KCNMA1: variants seen among roughly 807,000 people sequenced by gnomAD.
KCNMA1 encodes the protein Calcium-activated potassium channel subunit alpha-1.
A neutral mutation model predicts 140.0 loss-of-function variants in KCNMA1; 29 were observed. That is an observed-to-expected ratio of 0.21 (90% CI 0.15 to 0.28). The LOEUF is 0.28. KCNMA1 is among the 10% of genes least tolerant of loss of function. The pLI, the probability that KCNMA1 is intolerant of heterozygous loss-of-function variation, is 1.00. For synonymous variants in KCNMA1, 612 were observed against 611.9 expected (o/e 1.00, Z 0.00); for missense variants, 880 against 1,602.2 (o/e 0.55, Z 7.70).
intron 1 of KCNMA1, among the ~76,000 whole-genome samples, chr10:77,480,161 C>G (rs2098361390): frequency 6.6e-6 from 1 of 152,218 alleles, no homozygotes. Flanking sequence ...GTTTGTCCCC[C>G]ACACCCCTAA....
chr10:76,889,601 T>A, intron 26 of KCNMA1, 32 bp from the exon 27 acceptor site: 1 of 1,501,070 alleles, frequency 6.7e-7, no homozygotes, highest in South Asian at 1.1e-5. Flanking sequence ...GAGAGAAACA[T>A]CCTTTTTATT....
At chr10:77,504,034 C>T (rs992070137) in intron 1 of KCNMA1, among the ~76,000 whole-genome samples, 1 of 152,112 alleles carries the variant, frequency 6.6e-6, no homozygotes, top group African/African-American at 2.4e-5. Context: ...GGATATGGTG[C>T]TGGAGGGTCT....
chr10:77,428,798 A>C (rs2097083756), intron 1 of KCNMA1, among the ~76,000 whole-genome samples: 1 of 152,202 alleles, frequency 6.6e-6, no homozygotes. Flanking sequence ...GTGATTTTAA[A>C]ACTTCATAAA....
chr10:77,506,758 G>C (rs867266543), intron 1 of KCNMA1, among the ~76,000 whole-genome samples: 11 of 149,786 alleles, frequency 7.3e-5, no homozygotes, highest in Middle Eastern at 7.2e-3. Context: ...GAGAGGGAGA[G>C]AGAGAGAGAG....
intron 15 of KCNMA1, among the ~76,000 whole-genome samples, chr10:77,032,712 C>A (rs2094020690): frequency 6.6e-6 from 1 of 151,060 alleles, no homozygotes; most frequent in South Asian, 2.1e-4. Context: ...TTGACAACGA[C>A]ATTATACAAA....
chr10:77,412,814 A>T (rs184488589), intron 1 of KCNMA1, among the ~76,000 whole-genome samples: 25 of 152,320 alleles, frequency 1.6e-4, no homozygotes, highest in Admixed American at 1.6e-3. Flanking sequence ...AAATCCCCTG[A>T]GTAAAAGTCC....
intron 2 of KCNMA1, among the ~76,000 whole-genome samples, chr10:77,380,371 A>T (rs1252609492): frequency 6.6e-6 from 1 of 152,126 alleles, no homozygotes. Context: ...TAATTTTGAG[A>T]AGCATTTCCC....
At chr10:77,456,391 G>A (rs954621605) in intron 1 of KCNMA1, among the ~76,000 whole-genome samples, 1 of 152,038 alleles carries the variant, frequency 6.6e-6, no homozygotes, top group Non-Finnish European at 1.5e-5. Flanking sequence ...GACTCTACCC[G>A]CATCACTGTC....
rs559882409 is a variant in KCNMA1 at position 77,573,706 on chromosome 10, T to A, written c.378+63559A>T. 3.4e-5 allele frequency among the ~76,000 whole-genome samples: 4 copies of A among 118,704 alleles called. No homozygotes were observed. In the East Asian group the frequency reaches 7.0e-4, roughly 21 times the overall value. The allele number at this position is 118,704 out of a possible 152,430, so 77.9% of individuals were successfully genotyped here. A position where few individuals can be genotyped will look rare whatever the true frequency, so the allele number is the denominator to read the frequency against. ...TAGAATAGAATAGAATAGAATAGAA[T>A]AGAATAGAATAGAATAGAATAGGTC... is the stretch of plus-strand genomic sequence containing the variant. On this transcript the variant is annotated intron_variant, in intron 1 of 27. Transcript: ENST00000286628.
intron 5 of KCNMA1, among the ~76,000 whole-genome samples, chr10:77,153,867 C>G (rs1268548475): frequency 6.6e-6 from 1 of 152,160 alleles, no homozygotes; most frequent in Non-Finnish European, 1.5e-5. Context: ...GCAGCATTAC[C>G]TAATGGACAG....
chr10:76,949,035 A>T, intron 22 of KCNMA1, 107 bp downstream of exon 22: 1 of 957,246 alleles, frequency 1.0e-6, no homozygotes, highest in Non-Finnish European at 1.7e-6. Flanking sequence ...CCATACCCAG[A>T]TGAAGAAGCA....
chr10:77,517,573 G>C (rs2051030466), intron 1 of KCNMA1, among the ~76,000 whole-genome samples: 1 of 152,158 alleles, frequency 6.6e-6, no homozygotes, highest in African/African-American at 2.4e-5. Context: ...GGGCTCATGG[G>C]GCAAGAAGGC....
At chr10:77,424,218 A>G (rs148974161) in intron 1 of KCNMA1, among the ~76,000 whole-genome samples, 1 of 152,386 alleles carries the variant, frequency 6.6e-6, no homozygotes, top group African/African-American at 2.4e-5. Flanking sequence ...GCTTTGCAGC[A>G]GATTTGTGAG....
intron 1 of KCNMA1, among the ~76,000 whole-genome samples, chr10:77,461,155 A>T (rs564367420): frequency 2.6e-5 from 4 of 152,052 alleles, no homozygotes; most frequent in African/African-American, 7.2e-5. Context: ...TATTTGGGTG[A>T]TGGGTGCACT....
chr10:76,962,877 G>A (rs2072250710), intron 20 of KCNMA1, among the ~76,000 whole-genome samples: 1 of 152,138 alleles, frequency 6.6e-6, no homozygotes, highest in Non-Finnish European at 1.5e-5. Context: ...TCCAAAACGT[G>A]TGCAGTGAGA....
intron 1 of KCNMA1, among the ~76,000 whole-genome samples, chr10:77,501,816 CTCTG>C (rs1178401411): frequency 6.6e-6 from 1 of 152,244 alleles, no homozygotes; most frequent in Non-Finnish European, 1.5e-5. Flanking sequence ...AACAAATTCT[CTCTG>C]TCTGTGAGCA....
At chr10:77,362,522 C>T (rs1284577680) in intron 2 of KCNMA1, among the ~76,000 whole-genome samples, 2 of 151,982 alleles carry the variant, frequency 1.3e-5, no homozygotes, top group Non-Finnish European at 2.9e-5. Flanking sequence ...ATCCATAAAG[C>T]GGAGCATGAC....
At chr10:77,023,399 T>C (rs1371991499) in intron 16 of KCNMA1, among the ~76,000 whole-genome samples, 2 of 152,206 alleles carry the variant, frequency 1.3e-5, no homozygotes, top group East Asian at 1.9e-4. Context: ...TAATGTACCA[T>C]TCCTCAGGCA....
At chr10:77,020,949 TAGA>T (rs1341617248) in intron 16 of KCNMA1, 1 of 152,092 alleles carries the variant, frequency 6.6e-6, no homozygotes, top group Non-Finnish European at 1.5e-5. Context: ...CAATAATCTT[TAGA>T]GAATTAAGAG....
Sources: allele counts gnomAD v4.1 joint callset (sites outside exome capture counted in the v4.1 genomes callset), GRCh38; gene constraint gnomAD v4.1.1; transcripts MANE v1.5; gene names NCBI Gene and HGNC (gene_info 2026-07-23, HGNC 2026-07-21).